ARHGAP42: variants seen among roughly 807,000 people sequenced by gnomAD.
ARHGAP42 encodes Rho GTPase activating protein 42, also known as rho GTPase-activating protein 42.
Under a neutral mutation model 125.0 loss-of-function variants are expected in ARHGAP42, and 63 were observed. The ratio of observed to expected loss-of-function variants is 0.50; its 90% confidence interval spans 0.41 to 0.62. The LOEUF (loss-of-function observed/expected upper bound fraction) is 0.62, where lower values mean the gene tolerates loss of function less well. Ranked by LOEUF, ARHGAP42 falls within the 20% of genes least tolerant of loss-of-function variation. ARHGAP42 has a pLI of 0.00. For missense variants in ARHGAP42, 766 were observed against 1,024.2 expected, an observed-to-expected ratio of 0.75 and a Z score of 3.44; for synonymous variants, 339 against 351.0, an observed-to-expected ratio of 0.97 and a Z score of 0.38.
chr11:100,739,828 C>T (rs1862145349), intron 1 of ARHGAP42, among the ~76,000 whole-genome samples: 1 of 152,062 alleles, frequency 6.6e-6, no homozygotes. Context: ...CTTAGAAATG[C>T]CTTGATAACC....
chr11:100,831,040 T>C (rs538682467), intron 3 of ARHGAP42, among the ~76,000 whole-genome samples: 213 of 152,310 alleles, frequency 1.4e-3, no homozygotes, highest in African/African-American at 4.8e-3. Context: ...TTGCAAGTTA[T>C]ATTAGTTGAA....
chr11:100,965,158 C>T (rs995481310), intron 16 of ARHGAP42, among the ~76,000 whole-genome samples: 5 of 152,124 alleles, frequency 3.3e-5, no homozygotes, highest in East Asian at 1.9e-4. Flanking sequence ...ATAGGGTAAC[C>T]GCCCAATGAT....
rs1051692487 is a variant in ARHGAP42, at chr11:100,741,943, A to G, written c.155-28400A>G. 1.8e-4 allele frequency among the ~76,000 whole-genome samples: 28 copies of G among 152,162 alleles called. 2 individuals are homozygous for G. Among genetic ancestry groups the G allele is most frequent in the African/African-American group, 6.5e-4 (27 of 41,432 alleles). On this transcript the variant is annotated intron_variant, in intron 1 of 23. Transcript: ENST00000298815. ...TTGTCTGCTTTAACCTGAGACTCCA[A>G]ATTTAGTTTTTCGGCTTTTTCAATA...
intron 2 of ARHGAP42, among the ~76,000 whole-genome samples, chr11:100,787,105 G>C (rs890845944): frequency 2.8e-5 from 4 of 142,642 alleles, no homozygotes; most frequent in African/African-American, 1.0e-4. Context: ...GTGAAACCCT[G>C]TCTCTACTAA....
intron 1 of ARHGAP42, among the ~76,000 whole-genome samples, chr11:100,735,017 C>A (rs1205482287): frequency 3.3e-5 from 5 of 151,952 alleles, no homozygotes; most frequent in African/African-American, 7.3e-5. Context: ...ACAACAACAA[C>A]AACAACAACA....
intron 12 of ARHGAP42, among the ~76,000 whole-genome samples, chr11:100,954,046 G>T (rs1456004578): frequency 6.6e-6 from 1 of 152,086 alleles, no homozygotes; most frequent in Non-Finnish European, 1.5e-5. Context: ...CCTGCCCCAA[G>T]ACCTCCATCT....
At chr11:100,748,594 T>A (rs1862362540) in intron 1 of ARHGAP42, among the ~76,000 whole-genome samples, 1 of 146,614 alleles carries the variant, frequency 6.8e-6, no homozygotes, top group Admixed American at 6.9e-5. Context: ...CTTAGGATAG[T>A]GCTGACCTGA....
intron 4 of ARHGAP42, among the ~76,000 whole-genome samples, chr11:100,910,451 G>A (rs1429182105): frequency 6.6e-6 from 1 of 152,066 alleles, no homozygotes; most frequent in Admixed American, 6.6e-5. Context: ...TCCCATTACA[G>A]TATGAAGTCT....
At chr11:100,751,770 C>T (rs1862464487) in intron 1 of ARHGAP42, among the ~76,000 whole-genome samples, 1 of 115,788 alleles carries the variant, frequency 8.6e-6, no homozygotes, top group African/African-American at 3.3e-5. Context: ...ATCAGACAGG[C>T]ACCTTTTTTT....
intron 1 of ARHGAP42, among the ~76,000 whole-genome samples, chr11:100,740,749 C>G (rs1156735824): frequency 6.6e-6 from 1 of 152,152 alleles, no homozygotes; most frequent in Non-Finnish European, 1.5e-5. Flanking sequence ...TGTTGAGTGT[C>G]AGATTTTGCT....
Position 100,988,735 on chromosome 11 carries a change from A to T in ARHGAP42, c.2559A>T (p.Gly853=). ...CAGTGTACCCATCAGTGGAACCAGG[A>T]TGGTTAAAGGCAACTTATGAAGGCA... ...FSNVYPSVEP[G]WLKATYEGKT... is the part of the protein sequence containing the mutation. The change falls in exon 24 of 24, where the codon GGA becomes GGT. Residue 853 remains glycine, a synonymous_variant. Coordinates refer to ENST00000298815, the MANE Select transcript of ARHGAP42 (RefSeq NM_152432.4). The T allele has an allele frequency of 1.3e-6, 2 of 1,550,414 alleles. No individual in the cohort carries two copies. Among genetic ancestry groups the T allele is most frequent in the African/African-American group, 1.4e-5 (1 of 73,122 alleles).
intron 4 of ARHGAP42, among the ~76,000 whole-genome samples, chr11:100,865,823 G>A (rs1390089910): frequency 6.6e-6 from 1 of 152,044 alleles, no homozygotes; most frequent in Non-Finnish European, 1.5e-5. Flanking sequence ...CATTTTTCTG[G>A]TGAAGGATCT....
intron 20 of ARHGAP42, 26 bp downstream of exon 20, chr11:100,976,463 G>C (rs1363300536): frequency 1.3e-6 from 2 of 1,493,766 alleles, no homozygotes; most frequent in East Asian, 2.5e-5. Flanking sequence ...ACTTGTGCAA[G>C]ATGTCATTGT....
chr11:100,843,161 A>G (rs1864981933), intron 3 of ARHGAP42, among the ~76,000 whole-genome samples: 1 of 152,136 alleles, frequency 6.6e-6, no homozygotes, highest in Non-Finnish European at 1.5e-5. Context: ...GGAAATACAA[A>G]AAGATCATCC....
At chr11:100,941,725 A>G (rs77659855) in intron 8 of ARHGAP42, 59 bp from the exon 9 acceptor site, 55,199 of 1,089,006 alleles carry the variant, frequency 0.051, 2,198 homozygotes, top group East Asian at 0.22. Flanking sequence ...AGAATGTGCA[A>G]ACTTTGATAC....
chr11:100,950,041 G>A (rs1868134461), intron 12 of ARHGAP42, 85 bp downstream of exon 12: 2 of 816,786 alleles, frequency 2.4e-6, no homozygotes, highest in African/African-American at 3.4e-5. Context: ...GTATTCTGGG[G>A]AAATAGTATA....
chr11:100,730,776 A>G (rs1861942214), intron 1 of ARHGAP42, among the ~76,000 whole-genome samples: 1 of 152,246 alleles, frequency 6.6e-6, no homozygotes, highest in Non-Finnish European at 1.5e-5. Flanking sequence ...ACAAAAACCT[A>G]GTTGGTATAA....
chr11:100,968,754 T>C (rs902965849), intron 17 of ARHGAP42, among the ~76,000 whole-genome samples: 3 of 152,180 alleles, frequency 2.0e-5, no homozygotes, highest in African/African-American at 7.2e-5. Context: ...CTTTGCTTTA[T>C]GCTTTTCATT....
chr11:100,751,982 G>C (rs1324768342), intron 1 of ARHGAP42, among the ~76,000 whole-genome samples: 2 of 151,882 alleles, frequency 1.3e-5, no homozygotes, highest in Non-Finnish European at 2.9e-5. Context: ...GTTTCACCAG[G>C]TTGGCCAGGC....
Sources: allele counts gnomAD v4.1 joint callset (sites outside exome capture counted in the v4.1 genomes callset), GRCh38; gene constraint gnomAD v4.1.1; transcripts MANE v1.5; gene names NCBI Gene and HGNC (gene_info 2026-07-23, HGNC 2026-07-21).